Variants in RBPJ observed in about 807,000 individuals in gnomAD.
RBPJ encodes the protein recombining binding protein suppressor of hairless.
RBPJ carries 9 observed loss-of-function variants against 67.8 expected under a neutral mutation model. The ratio of observed to expected loss-of-function variants is 0.13; its 90% CI spans 0.08 to 0.23. RBPJ has a LOEUF of 0.23. Ranked by LOEUF, RBPJ falls within the 10% of genes least tolerant of loss-of-function variation. RBPJ has a pLI of 1.00. For missense variants in RBPJ, 305 were observed against 595.6 expected, an observed-to-expected ratio of 0.51 and a Z score of 5.08; for synonymous variants, 198 against 203.3, an observed-to-expected ratio of 0.97 and a Z score of 0.22.
the RBPJ span, chr4:26,112,761 T>C: frequency 6.9e-6 from 1 of 144,456 alleles, no homozygotes; most frequent in African/African-American, 2.6e-5. Context: ...GAATCTTTTT[T>C]TTTTTTTTTT....
At chr4:26,344,076 A>G (rs1032724353) in intron 1 of RBPJ, among the ~76,000 whole-genome samples, 14 of 150,626 alleles carry the variant, frequency 9.3e-5, no homozygotes, top group African/African-American at 3.4e-4. Flanking sequence ...TAGAGATGGC[A>G]TTTTGCCATG....
chr4:26,294,261 C>A (rs1721783551), intron 1 of RBPJ, among the ~76,000 whole-genome samples: 1 of 151,932 alleles, frequency 6.6e-6, no homozygotes, highest in Admixed American at 6.6e-5. Flanking sequence ...CCATGCCTGG[C>A]TAATTTTTGT....
rs1282367446 is a variant in RBPJ, at chr4:26,412,072, G to A, written c.156-3403G>A. Among the ~76,000 whole-genome samples the A allele has an allele frequency of 1.6e-4, 23 of 146,230 alleles. No individual in the cohort carries two copies. In the East Asian group the frequency reaches 4.1e-3, roughly 26 times the overall value. ...GGAGCTTTCAGTGAGTGGAGGTCGC[G>A]CCACTGCACTCCAGCCTGGGTGACA... On this transcript the variant is annotated intron_variant, in intron 3 of 10. Coordinates refer to ENST00000355476, the MANE Select transcript of RBPJ (RefSeq NM_015874.6).
intron 3 of RBPJ, among the ~76,000 whole-genome samples, chr4:26,413,156 G>C (rs1418370520): frequency 6.6e-6 from 1 of 152,160 alleles, no homozygotes; most frequent in African/African-American, 2.4e-5. Context: ...CTGTACTCCA[G>C]CCGCTCTGGT....
At chr4:26,244,252 CA>C (rs1719773983) in intron 1 of RBPJ, among the ~76,000 whole-genome samples, 1 of 1,416 alleles carries the variant, frequency 7.1e-4, no homozygotes, top group African/African-American at 2.6e-3. Context: ...TATGTGTACA[CA>C]TACACATATG....
At chr4:26,221,421 T>C (rs1718906740) in intron 1 of RBPJ, among the ~76,000 whole-genome samples, 1 of 152,134 alleles carries the variant, frequency 6.6e-6, no homozygotes, top group Admixed American at 6.5e-5. Flanking sequence ...AGAATTCTAG[T>C]TTGCTGGGTC....
intron 1 of RBPJ, among the ~76,000 whole-genome samples, chr4:26,191,210 T>TAGAGAGAGAGAG (rs545388933): frequency 6.7e-4 from 18 of 26,832 alleles, no homozygotes; most frequent in East Asian, 4.0e-3. Flanking sequence ...TATATATATA[T>TAGAGAGAGAGAG]AGAGAGAGAG....
the RBPJ span, among the ~76,000 whole-genome samples, chr4:26,152,032 C>T: frequency 1.1e-4 from 17 of 152,268 alleles, no homozygotes; most frequent in African/African-American, 3.6e-4. Flanking sequence ...GAACAGTTGA[C>T]AGTATAATAA....
chr4:26,410,008 C>T (rs1000959458), intron 3 of RBPJ: 6 of 453,288 alleles, frequency 1.3e-5, no homozygotes, highest in Admixed American at 4.7e-5. Context: ...AAAGGGGAAA[C>T]CCATTAAATT....
chr4:26,136,085 G>T, the RBPJ span, among the ~76,000 whole-genome samples: 1 of 152,124 alleles, frequency 6.6e-6, no homozygotes, highest in Non-Finnish European at 1.5e-5. Context: ...CATTTTTAAA[G>T]CCATCAGATC....
chr4:26,292,397 C>A (rs1721699555), intron 1 of RBPJ, among the ~76,000 whole-genome samples: 1 of 150,130 alleles, frequency 6.7e-6, no homozygotes, highest in Non-Finnish European at 1.5e-5. Context: ...GGCAAAATTT[C>A]CTCACTTTTT....
At chr4:26,365,875 A>T (rs961453868) in intron 1 of RBPJ, among the ~76,000 whole-genome samples, 1 of 152,238 alleles carries the variant, frequency 6.6e-6, no homozygotes, top group African/African-American at 2.4e-5. Flanking sequence ...GCTTTTGAGT[A>T]ACATTAACCA....
chr4:26,190,479 A>C (rs139058945), intron 1 of RBPJ, among the ~76,000 whole-genome samples: 1 of 152,202 alleles, frequency 6.6e-6, no homozygotes, highest in Non-Finnish European at 1.5e-5. Flanking sequence ...TGGGTAATGT[A>C]CCATGATATG....
intron 1 of RBPJ, among the ~76,000 whole-genome samples, chr4:26,178,278 C>T (rs1407131989): frequency 6.6e-6 from 1 of 152,192 alleles, no homozygotes; most frequent in Non-Finnish European, 1.5e-5. Context: ...AACCACTGGA[C>T]TCAGTTATAG....
At chr4:26,241,440 T>G (rs1365088910) in intron 1 of RBPJ, among the ~76,000 whole-genome samples, 1 of 152,172 alleles carries the variant, frequency 6.6e-6, no homozygotes, top group Admixed American at 6.5e-5. Context: ...ACGTGATTTA[T>G]ACATAAGGAA....
chr4:26,116,635 A>G, the RBPJ span, among the ~76,000 whole-genome samples: 1 of 152,222 alleles, frequency 6.6e-6, no homozygotes, highest in Non-Finnish European at 1.5e-5. Context: ...AAAGCTTCTT[A>G]TGCCCATGAA....
intron 1 of RBPJ, among the ~76,000 whole-genome samples, chr4:26,310,489 G>A (rs1722391857): frequency 6.6e-6 from 1 of 152,100 alleles, no homozygotes; most frequent in African/African-American, 2.4e-5. Flanking sequence ...ACCTTGCTTT[G>A]TATTCTCAGA....
the RBPJ span, among the ~76,000 whole-genome samples, chr4:26,151,132 A>T: frequency 6.6e-6 from 1 of 152,236 alleles, no homozygotes; most frequent in Non-Finnish European, 1.5e-5. Context: ...CCGAAGCAGC[A>T]GAGCAGGCAG....
At chr4:26,386,926 C>T (rs1560313565) in intron 2 of RBPJ, among the ~76,000 whole-genome samples, 1 of 152,068 alleles carries the variant, frequency 6.6e-6, no homozygotes, top group Non-Finnish European at 1.5e-5. Flanking sequence ...AGTTCTATGG[C>T]CATGTCCTAG....
Sources: allele counts gnomAD v4.1 joint callset (sites outside exome capture counted in the v4.1 genomes callset), GRCh38; gene constraint gnomAD v4.1.1; transcripts MANE v1.5; gene names NCBI Gene and HGNC (gene_info 2026-07-23, HGNC 2026-07-21).